SULT1C3: variants seen among roughly 807,000 people sequenced by gnomAD.
SULT1C3 encodes sulfotransferase family 1C member 3.
SULT1C3 carries 31 observed loss-of-function variants against 28.4 expected under a neutral mutation model. The observed-to-expected ratio is 1.09, with a 90% CI of 0.82 to 1.47. SULT1C3 has a LOEUF of 1.47. Ranked by LOEUF, SULT1C3 falls within the 40% of genes most tolerant of loss-of-function variation. SULT1C3 has a pLI of 0.00. For synonymous variants in SULT1C3, 106 were observed against 92.2 expected, an observed-to-expected ratio of 1.15 and a Z score of -0.86; for missense variants, 307 against 272.5, an observed-to-expected ratio of 1.13 and a Z score of -0.89.
chr2:108,258,668 A>T, intron 5 of SULT1C3, 66 bp from the exon 6 acceptor site: 1 of 1,159,510 alleles, frequency 8.6e-7, no homozygotes, highest in Non-Finnish European at 1.3e-6. Context: ...AAGGAGCACT[A>T]ATTTACTTTA....
chr2:108,252,924 T>G (rs1014652553), intron 3 of SULT1C3, among the ~76,000 whole-genome samples: 2 of 151,966 alleles, frequency 1.3e-5, no homozygotes, highest in Non-Finnish European at 2.9e-5. Context: ...AAAGGTTTCC[T>G]CAGAGTGTAA....
chr2:108,244,834 T>C (rs1173528531), intron 1 of SULT1C3, among the ~76,000 whole-genome samples: 1 of 152,164 alleles, frequency 6.6e-6, no homozygotes, highest in East Asian at 1.9e-4. Context: ...TGGGCCTGCC[T>C]GATATGATTG....
At chr2:108,258,445 T>G (rs1028167429) in intron 5 of SULT1C3, among the ~76,000 whole-genome samples, 6 of 152,092 alleles carry the variant, frequency 3.9e-5, no homozygotes, top group African/African-American at 1.4e-4. Flanking sequence ...TAGTTGAGTC[T>G]GAAACTAAAC....
At chr2:108,241,537 T>C (rs184724958) in intron 1 of SULT1C3, among the ~76,000 whole-genome samples, 1 of 152,340 alleles carries the variant, frequency 6.6e-6, no homozygotes, top group Admixed American at 6.5e-5. Context: ...TTGGGTGCAG[T>C]CCACTTAGTT....
chr2:108,263,907 T>C (rs2104396108), downstream of SULT1C3, among the ~76,000 whole-genome samples: 1 of 152,362 alleles, frequency 6.6e-6, no homozygotes, highest in East Asian at 1.9e-4. Context: ...AATGAATCTG[T>C]TGGCTCCTGG....
downstream of SULT1C3, among the ~76,000 whole-genome samples, chr2:108,263,208 T>A (rs1247344436): frequency 2.0e-5 from 3 of 151,136 alleles, no homozygotes; most frequent in Non-Finnish European, 4.4e-5. Flanking sequence ...AGAGCCCCAA[T>A]AAAACTTATA....
At chr2:108,257,248 G>A (rs1675887957) in intron 5 of SULT1C3, among the ~76,000 whole-genome samples, 1 of 151,926 alleles carries the variant, frequency 6.6e-6, no homozygotes. Flanking sequence ...CCAAAAGAAA[G>A]GATTCTGCCT....
intron 5 of SULT1C3, among the ~76,000 whole-genome samples, chr2:108,256,337 T>C (rs1675866951): frequency 1.3e-5 from 2 of 152,042 alleles, no homozygotes; most frequent in African/African-American, 2.4e-5. Flanking sequence ...GAATATCTCA[T>C]GAAAACAACA....
downstream of SULT1C3, among the ~76,000 whole-genome samples, chr2:108,261,379 G>GACTATGCATTGCCATTCTCTTAATA (rs1354817832): frequency 1.2e-4 from 18 of 152,090 alleles, no homozygotes; most frequent in Non-Finnish European, 2.4e-4. Flanking sequence ...AATGCACCAT[G>GACTATGCATTGCCATTCTCTTAATA]ACTATGCATT....
chr2:108,263,723 A>T (rs73952173), downstream of SULT1C3, among the ~76,000 whole-genome samples: 1,620 of 152,302 alleles, frequency 0.011, 38 homozygotes, highest in African/African-American at 0.037. Context: ...AAAATGGGGT[A>T]GTGCATGGGC....
At chr2:108,243,062 A>C (rs183962346) in intron 1 of SULT1C3, among the ~76,000 whole-genome samples, 2 of 151,908 alleles carry the variant, frequency 1.3e-5, no homozygotes, top group African/African-American at 2.4e-5. Flanking sequence ...ATTTTACAAA[A>C]AGTAACCTTA....
At chr2:108,252,755 C>G (rs1487042446) in intron 3 of SULT1C3, among the ~76,000 whole-genome samples, 1 of 152,020 alleles carries the variant, frequency 6.6e-6, no homozygotes, top group Non-Finnish European at 1.5e-5. Flanking sequence ...AAAGAAGACT[C>G]CCTCTGCTTT....
At chr2:108,262,463 C>A (rs113427233), downstream of SULT1C3, among the ~76,000 whole-genome samples, 2,122 of 152,264 alleles carry the variant, frequency 0.014, 19 homozygotes, top group South Asian at 0.043. Context: ...TTCTTCCATG[C>A]AATGGATGAT....
At position 108,255,613 on chromosome 2, in the gene SULT1C3, C is replaced by T. The variant is rs944777516; in HGVS notation, c.441C>T (p.Ser147=). The change falls in exon 5 of 8, where the codon TCC becomes TCT. Residue 147 remains serine, a synonymous_variant. Coordinates refer to ENST00000681802, the MANE Select transcript of SULT1C3 (RefSeq NM_001320878.2). ...GAAATCCCAAGGATTGCCTGGTGTCCTACTACCACTTTCACAGGATGGCTT... is the reference window on the plus strand; with the variant it reads ...GAAATCCCAAGGATTGCCTGGTGTCTTACTACCACTTTCACAGGATGGCTT... The part of the protein sequence containing the change: ...VARNPKDCLV[S]YYHFHRMASF... 2.5e-6 allele frequency: 4 copies of T among 1,611,776 alleles called. No homozygotes were observed. Among genetic ancestry groups the T allele is most frequent in the African/African-American group, 2.7e-5 (2 of 74,756 alleles).
intron 3 of SULT1C3, among the ~76,000 whole-genome samples, chr2:108,252,758 T>C (rs186830732): frequency 6.6e-6 from 1 of 152,152 alleles, no homozygotes; most frequent in East Asian, 1.9e-4. Context: ...GAAGACTCCC[T>C]CTGCTTTGTA....
intron 7 of SULT1C3, among the ~76,000 whole-genome samples, chr2:108,259,579 C>T (rs958882039): frequency 6.6e-6 from 1 of 152,104 alleles, no homozygotes; most frequent in African/African-American, 2.4e-5. Context: ...CCTAGCTAAG[C>T]ACTTAGTACT....
intron 1 of SULT1C3, among the ~76,000 whole-genome samples, chr2:108,246,196 C>T (rs547131956): frequency 6.6e-6 from 1 of 152,208 alleles, no homozygotes; most frequent in Non-Finnish European, 1.5e-5. Context: ...AAGTTCCAAA[C>T]TTTCCCACAT....
intron 4 of SULT1C3, among the ~76,000 whole-genome samples, chr2:108,254,701 G>GTATA (rs894632895): frequency 2.7e-5 from 4 of 150,378 alleles, no homozygotes; most frequent in African/African-American, 9.8e-5. Context: ...GTGTGTGTGT[G>GTATA]TATATATATA....
At position 108,258,745 on chromosome 2, in the gene SULT1C3, T is replaced by C. The variant is rs758596120; in HGVS notation, c.538T>C (p.Ser180Pro). ...CTGACTTCTTCCAGTTGTTGGCGGG[T>C]CCTGGTTTGACCATGTGAAAGGATG... ...KFMSGKVVGGSWFDHVKGWWA... is the reference protein window; with the variant it reads ...KFMSGKVVGGPWFDHVKGWWA... The change falls in exon 6 of 8, where the codon TCC becomes CCC. Residue 180 changes from serine to proline, a missense_variant. Coordinates refer to ENST00000681802, the MANE Select transcript of SULT1C3 (RefSeq NM_001320878.2). 3 of 1,612,622 alleles carry C rather than the reference T, an allele frequency of 1.9e-6. No individual in the cohort carries two copies. The East Asian group carries it at 6.7e-5, about 36-fold the overall frequency.
Sources: gnomAD v4.1 joint callset for allele counts (sites outside exome capture counted in the v4.1 genomes callset) on GRCh38, gnomAD v4.1.1 for gene constraint, MANE v1.5 for transcripts, NCBI Gene and HGNC (gene_info 2026-07-23, HGNC 2026-07-21) for gene names.